SAFB2: variants seen among roughly 807,000 people sequenced by gnomAD.
SAFB2 encodes the protein scaffold attachment factor B2.
Under a neutral mutation model 100.6 loss-of-function variants are expected in SAFB2, and 32 were observed. The observed-to-expected ratio is 0.32, with a 90% confidence interval of 0.24 to 0.43. The LOEUF (loss-of-function observed/expected upper bound fraction) is 0.43. Among genes scored for constraint, SAFB2 ranks in the 20% least tolerant of loss-of-function variants. The pLI is 1.00. For missense variants in SAFB2, 1,185 were observed against 1,163.4 expected (o/e 1.02, Z -0.27); for synonymous variants, 500 against 439.4 (o/e 1.14, Z -1.72).
At chr19:5,616,535 A>C (rs1555691327) in intron 2 of SAFB2, 49 bp from the exon 3 acceptor site, 1 of 1,480,866 alleles carries the variant, frequency 6.8e-7, no homozygotes, top group Non-Finnish European at 9.4e-7. Flanking sequence ...GTTCTACCTC[A>C]TAATTAGTTT....
chr19:5,602,072 A>G (rs1470688219), intron 11 of SAFB2, among the ~76,000 whole-genome samples: 2 of 152,200 alleles, frequency 1.3e-5, no homozygotes, highest in Admixed American at 6.6e-5. Flanking sequence ...AAATCCTTCA[A>G]ATGGAAGGGA....
chr19:5,594,275 A>G, intron 14 of SAFB2, 97 bp from the exon 15 acceptor site: 1 of 1,396,088 alleles, frequency 7.2e-7, no homozygotes, highest in Non-Finnish European at 9.4e-7. Flanking sequence ...AGCAGAAAAA[A>G]AAAATGGATC....
At chr19:5,607,640 G>A (rs2052805416) in intron 9 of SAFB2, among the ~76,000 whole-genome samples, 1 of 152,188 alleles carries the variant, frequency 6.6e-6, no homozygotes, top group South Asian at 2.1e-4. Flanking sequence ...AGAAAATAGA[G>A]AACAAGACAG....
rs767902579 is a variant in SAFB2, at chr19:5,587,886, C to T, written c.2620G>A (p.Glu874Lys). The T allele has an allele frequency of 1.2e-6, 2 of 1,611,688 alleles. No homozygotes were observed. The highest frequency in any genetic ancestry group is 2.2e-5 in the South Asian group (2 of 90,706). The change falls in exon 19 of 21, where the codon GAG (glutamate) becomes AAG (lysine). Residue 874 changes from glutamate to lysine, a missense_variant. Coordinates refer to ENST00000252542, the MANE Select transcript of SAFB2 (RefSeq NM_014649.3). The surrounding 1 kb of genome is among the most constrained non-coding windows in gnomAD (Gnocchi z 4.9). The part of the protein sequence containing the change: ...GAMDAGAASR[E>K]HARWQGGERG... ...CCCGTACCTTGCCACCTGGCGTGCT[C>T]CCGGCTAGCCGCGCCTGCGTCCATG... is the stretch of plus-strand genomic sequence containing the variant.
rs759306736 is a variant in SAFB2, at chr19:5,622,747, T to G, written c.-32A>C. On this transcript the variant is annotated 5_prime_UTR_variant, in exon 1 of 21. Coordinates refer to ENST00000252542, the MANE Select transcript of SAFB2 (RefSeq NM_014649.3). ...GTTCCCGTCTTCGCCACCGACTCAG[T>G]CGCACACCGCCGGCAGCTATAGCGG... 1.3e-6 allele frequency: 2 copies of G among 1,576,286 alleles called. No individual in the cohort carries two copies. Among genetic ancestry groups the G allele is most frequent in the South Asian group, 2.3e-5 (2 of 87,988 alleles).
chr19:5,590,350 G>A lies in SAFB2; in HGVS notation c.2453C>T (p.Ser818Phe). The change falls in exon 18 of 21, where the codon TCC becomes TTC. Residue 818 changes from serine (S) to phenylalanine (F), a missense_variant. By Grantham distance (155) the Ser-to-Phe change is radical. Transcript: ENST00000252542. ...GCCGTAGCCCCCCCAGCCATCACGGGAGTCCCGGCCGTGGCGCTCTGGGGG... is the reference window on the plus strand; with the variant it reads ...GCCGTAGCCCCCCCAGCCATCACGGAAGTCCCGGCCGTGGCGCTCTGGGGG... ...GGPPERHGRD[S>F]RDGWGGYGSD... 2 of 1,611,530 alleles carry A rather than the reference G, an allele frequency of 1.2e-6. No homozygotes were observed. Among genetic ancestry groups the A allele is most frequent in the Non-Finnish European group, 1.7e-6 (2 of 1,179,294 alleles).
Position 5,604,890 on chromosome 19 carries a change from C to T in SAFB2, c.1343G>A (p.Arg448Gln), listed in dbSNP as rs202020089. Residue 448 changes from arginine (R) to glutamine (Q), a missense_variant, in exon 10 of 21, where the codon CGA (arginine) becomes CAA (glutamine). Physicochemically the swap from Arg to Gln is conservative, Grantham distance 43. Transcript: ENST00000252542. ...VVTNARSPGA[R>Q]CYGFVTMSTS... Reference sequence around the variant, plus strand: ...CGACATGGTGACGAATCCATAGCATCGAGCCCCCGGGCTGCGGGCGTTCGT... The same window carrying T: ...CGACATGGTGACGAATCCATAGCATTGAGCCCCCGGGCTGCGGGCGTTCGT... 29 of 1,614,018 alleles carry T rather than the reference C, an allele frequency of 1.8e-5. No individual in the cohort carries two copies. The highest frequency in any genetic ancestry group is 6.7e-5 in the East Asian group (3 of 44,874).
At chr19:5,615,949 G>T in intron 4 of SAFB2, 183 bp downstream of exon 4, 1 of 602,134 alleles carries the variant, frequency 1.7e-6, no homozygotes, top group Non-Finnish European at 2.9e-6. Context: ...CTACAGAAAA[G>T]CTATCTATGA....
intron 9 of SAFB2, among the ~76,000 whole-genome samples, chr19:5,607,923 TGA>T (rs1367425535): frequency 6.6e-6 from 1 of 152,236 alleles, no homozygotes; most frequent in African/African-American, 2.4e-5. Flanking sequence ...AAGACTCTCC[TGA>T]GAGAAACACA....
intron 4 of SAFB2, among the ~76,000 whole-genome samples, chr19:5,614,808 C>G (rs557123049): frequency 2.6e-5 from 4 of 152,356 alleles, no homozygotes; most frequent in African/African-American, 9.6e-5. Context: ...AGCAAAGTTC[C>G]TCCTTTACAT....
At chr19:5,602,839 C>T (rs1272789853) in intron 11 of SAFB2, among the ~76,000 whole-genome samples, 1 of 152,172 alleles carries the variant, frequency 6.6e-6, no homozygotes, top group South Asian at 2.1e-4. Context: ...CCAATACAGA[C>T]ATTTTTTTCT....
chr19:5,605,173 C>T (rs538174937), intron 9 of SAFB2, among the ~76,000 whole-genome samples: 220 of 147,318 alleles, frequency 1.5e-3, no homozygotes, highest in Non-Finnish European at 2.5e-3. Context: ...GTCGCGATCT[C>T]GGCTCACCGC....
At position 5,587,402 on chromosome 19, in the gene SAFB2, A is replaced by G; in HGVS notation, c.2706-3T>C. ...CACCTTGTGCAAAGCCGCCTCGCCT[A>G]GGAACAAAGTCAGACAATTTTTTTC... On this transcript the variant is annotated splice_polypyrimidine_tract_variant and splice_region_variant and intron_variant, in intron 20 of 20. Coordinates refer to ENST00000252542, the MANE Select transcript of SAFB2 (RefSeq NM_014649.3). The surrounding 1 kb of genome is among the most constrained non-coding windows in gnomAD (Gnocchi z 4.9). 6.2e-7 allele frequency: 1 copy of G among 1,608,898 alleles called. No individual in the cohort carries two copies. The highest frequency in any genetic ancestry group is 2.2e-5 in the East Asian group (1 of 44,742).
chr19:5,595,493 G>C lies in SAFB2; in HGVS notation c.1787C>G (p.Ser596Cys). ...TTCTGACTTGCGATCCTGACTCTTG[G>C]AGCTCTGTTTACCAAAACTGGTTTA... ...KTTSRSKERS[S>C]KSQDRKSESK... Residue 596 changes from serine to cysteine, a missense_variant, in exon 14 of 21, where the codon TCC (serine) becomes TGC (cysteine). By Grantham distance (112) the Ser-to-Cys change is moderately radical. Around this residue, in one of 3 missense-constraint regions of SAFB2, gnomAD observed 740 missense variants for 687.1 expected, o/e 1.08. Transcript: ENST00000252542. 1 of 1,613,378 alleles carries C rather than the reference G, an allele frequency of 6.2e-7. No individual in the cohort carries two copies. Among genetic ancestry groups the C allele is most frequent in the Non-Finnish European group, 8.5e-7 (1 of 1,180,004 alleles).
intron 9 of SAFB2, among the ~76,000 whole-genome samples, chr19:5,608,598 G>A (rs1340676663): frequency 3.3e-5 from 5 of 152,192 alleles, no homozygotes; most frequent in Non-Finnish European, 5.9e-5. Context: ...CACAGACCTA[G>A]ACAAAGGAAC....
At chr19:5,593,739 G>A (rs971916824) in intron 15 of SAFB2, 152 bp downstream of exon 15, 1 of 768,084 alleles carries the variant, frequency 1.3e-6, no homozygotes, top group Non-Finnish European at 1.9e-6. Flanking sequence ...GCAGCGCAGT[G>A]AGATCGGCGG....
At chr19:5,611,764 G>A (rs935457743) in intron 6 of SAFB2, 134 bp from the exon 7 acceptor site, 13 of 531,724 alleles carry the variant, frequency 2.4e-5, no homozygotes, top group East Asian at 3.5e-5. Flanking sequence ...TGGAAAACCC[G>A]CGGGTACACA....
In SAFB2 at chr19:5,587,107, A is replaced by C; in HGVS notation, c.*136T>G. 2.0e-6 allele frequency: 2 copies of C among 984,270 alleles called. No homozygotes were observed. The highest frequency in any genetic ancestry group is 1.6e-5 in the African/African-American group (1 of 61,258). 61.0% of individuals were successfully genotyped at this position (984,270 alleles called of 1,614,324 possible). ...TTTATTTAAAAAAAAAAAAAAAGTG[A>C]GTTCACATTGTATTGAGCTACAACA... On this transcript the variant is annotated 3_prime_UTR_variant, in exon 21 of 21. Transcript: ENST00000252542. The surrounding 1 kb of genome is among the most constrained non-coding windows in gnomAD (Gnocchi z 4.9).
chr19:5,618,779 C>T (rs1473598080), intron 2 of SAFB2, among the ~76,000 whole-genome samples: 2 of 152,210 alleles, frequency 1.3e-5, no homozygotes, highest in African/African-American at 4.8e-5. Context: ...CGCAGACAGG[C>T]GACGCCCCAA....
Sources: allele counts gnomAD v4.1 joint callset (sites outside exome capture counted in the v4.1 genomes callset), GRCh38; gene constraint gnomAD v4.1.1; regional missense constraint gnomAD v4.1.1; non-coding constraint Gnocchi (gnomAD v3.1); transcripts MANE v1.5; gene names NCBI Gene and HGNC (gene_info 2026-07-23, HGNC 2026-07-21).